Variants in CTNNA3 observed in about 807,000 individuals in gnomAD.
CTNNA3 encodes catenin alpha 3.
Under a neutral mutation model 95.7 loss-of-function variants are expected in CTNNA3, and 76 were observed. That is an observed-to-expected ratio of 0.79 (90% CI 0.66 to 0.96). The LOEUF (loss-of-function observed/expected upper bound fraction) is 0.96. CTNNA3 is among the 40% of genes least tolerant of loss of function. The probability of loss-of-function intolerance (pLI) is 0.00; values close to 1 mark genes in which losing one functional copy is unlikely to be tolerated. For missense variants in CTNNA3, 1,191 were observed against 1,089.8 expected (o/e 1.09, Z -1.31); for synonymous variants, 431 against 374.4 (o/e 1.15, Z -1.74).
chr10:67,214,807 A>G (rs74142434), intron 6 of CTNNA3, among the ~76,000 whole-genome samples: 6,362 of 152,084 alleles, frequency 0.042, 166 homozygotes, highest in South Asian at 0.088. Context: ...TCATTCACAG[A>G]TAATCAGTCA....
At position 65,920,634 on chromosome 10, in the gene CTNNA3, G is replaced by GA. The variant is rs1338241471; in HGVS notation, c.2401-18dup. The GA allele has an allele frequency of 4.8e-5, 76 of 1,595,582 alleles. No individual in the cohort carries two copies. The highest frequency in any genetic ancestry group is 8.8e-5 in the Admixed American group (5 of 57,098). ...ACTGTCCAACTGTAGGGAAAAAAGA[G>GA]AAAAAAGAGCTATTATTCCAGGAGG... On this transcript the variant is annotated splice_polypyrimidine_tract_variant and intron_variant, in intron 17 of 17. Coordinates refer to ENST00000433211, the MANE Select transcript of CTNNA3 (RefSeq NM_013266.4).
intron 9 of CTNNA3, among the ~76,000 whole-genome samples, chr10:66,666,991 T>G (rs560464920): frequency 5.8e-4 from 88 of 152,200 alleles, no homozygotes; most frequent in Non-Finnish European, 1.1e-3. Flanking sequence ...AACAGTGATA[T>G]AGCCTAAGAT....
chr10:66,360,596 CTTCTTTCTTTCTTTCTTTCTTTCTTTCT>C (rs869161944), intron 12 of CTNNA3, among the ~76,000 whole-genome samples: 2 of 94,074 alleles, frequency 2.1e-5, no homozygotes, highest in African/African-American at 6.6e-5. Flanking sequence ...GTATTCTTTC[CTTCTTTCTTTCTTTCTTTCTTTCTTTCT>C]TTCTTTCTTT....
chr10:67,197,202 A>T (rs1374625893), intron 6 of CTNNA3, among the ~76,000 whole-genome samples: 3 of 152,120 alleles, frequency 2.0e-5, no homozygotes, highest in Non-Finnish European at 4.4e-5. Flanking sequence ...CAAACATTTG[A>T]ATAGTTCCTG....
At chr10:66,530,528 T>C (rs192255938) in intron 10 of CTNNA3, among the ~76,000 whole-genome samples, 76 of 152,298 alleles carry the variant, frequency 5.0e-4, no homozygotes, top group Non-Finnish European at 9.0e-4. Flanking sequence ...ACTTCATCTA[T>C]GGCAAATTAC....
chr10:66,772,823 T>G (rs1840148338), intron 8 of CTNNA3, among the ~76,000 whole-genome samples: 1 of 152,110 alleles, frequency 6.6e-6, no homozygotes. Flanking sequence ...AGGCCATGGT[T>G]AAGAAAGGGG....
chr10:67,695,439 T>C (rs1453933315), intron 1 of CTNNA3, among the ~76,000 whole-genome samples: 1 of 151,522 alleles, frequency 6.6e-6, no homozygotes, highest in African/African-American at 2.4e-5. Context: ...CATACAGTGA[T>C]TTTCATTTGA....
intron 15 of CTNNA3, among the ~76,000 whole-genome samples, chr10:66,033,331 T>C (rs1469269459): frequency 1.3e-5 from 2 of 151,910 alleles, no homozygotes; most frequent in East Asian, 3.9e-4. Flanking sequence ...GAGACAGGGT[T>C]TCACCATGTT....
At chr10:66,989,405 T>C (rs1850917117) in intron 7 of CTNNA3, among the ~76,000 whole-genome samples, 1 of 152,212 alleles carries the variant, frequency 6.6e-6, no homozygotes. Context: ...TTCTTGATTA[T>C]ATTTGTAGGT....
At chr10:67,373,706 C>G (rs907772601) in intron 5 of CTNNA3, among the ~76,000 whole-genome samples, 5 of 152,050 alleles carry the variant, frequency 3.3e-5, no homozygotes, top group Non-Finnish European at 5.9e-5. Context: ...TGTTACTTTT[C>G]TGTAAAATGA....
intron 5 of CTNNA3, among the ~76,000 whole-genome samples, chr10:67,411,485 G>C (rs964910230): frequency 5.3e-5 from 8 of 152,124 alleles, no homozygotes; most frequent in Admixed American, 4.6e-4. Context: ...CTGTGTAGCA[G>C]CCCATTCCAA....
Position 66,603,660 on chromosome 10 carries a change from T to C in CTNNA3, c.1374+18032A>G, listed in dbSNP as rs1844011821. Among the ~76,000 whole-genome samples the C allele has an allele frequency of 2.0e-5, 3 of 152,124 alleles. No individual in the cohort carries two copies. In the South Asian group the frequency reaches 6.2e-4, roughly 32 times the overall value. ...GTAAAAAATGCAAAGCTCGACATCA[T>C]ACTACATGGTTTTCAATTGTACTAC... On this transcript the variant is annotated intron_variant, in intron 10 of 17. Transcript: ENST00000433211.
intron 7 of CTNNA3, among the ~76,000 whole-genome samples, chr10:66,850,588 A>G (rs1455417569): frequency 6.6e-6 from 1 of 152,008 alleles, no homozygotes; most frequent in East Asian, 1.9e-4. Flanking sequence ...AGTGTATCCT[A>G]TATGATTTTT....
At chr10:67,408,038 G>A (rs1845205875) in intron 5 of CTNNA3, among the ~76,000 whole-genome samples, 1 of 152,144 alleles carries the variant, frequency 6.6e-6, no homozygotes, top group Non-Finnish European at 1.5e-5. Context: ...TAACACGGAA[G>A]TGAAGGACCT....
intron 7 of CTNNA3, among the ~76,000 whole-genome samples, chr10:66,921,096 C>A (rs993071654): frequency 6.6e-6 from 1 of 152,146 alleles, no homozygotes; most frequent in African/African-American, 2.4e-5. Flanking sequence ...GCTGGGAAGT[C>A]CAAAATGAAG....
At chr10:67,362,725 T>C (rs977731983) in intron 5 of CTNNA3, among the ~76,000 whole-genome samples, 2 of 151,858 alleles carry the variant, frequency 1.3e-5, no homozygotes, top group African/African-American at 4.8e-5. Flanking sequence ...TCACTACTCA[T>C]TTTCAACACA....
rs1370351144 is a variant in CTNNA3, at chr10:65,914,758, A to G, written c.*5572T>C. On this transcript the variant is annotated 3_prime_UTR_variant, in exon 18 of 18. Coordinates refer to ENST00000433211, the MANE Select transcript of CTNNA3 (RefSeq NM_013266.4). ...GAAGCTTTCTTCTCCATGGTAATAA[A>G]AGTAATTTGGCAAAGGTTGTCCTCT... 6.6e-6 allele frequency: 1 copy of G among 152,166 alleles called. No individual in the cohort carries two copies. Among genetic ancestry groups the G allele is most frequent in the Non-Finnish European group, 1.5e-5 (1 of 68,018 alleles). 9.4% of individuals were successfully genotyped at this position (152,166 alleles called of 1,614,324 possible). A position where few individuals can be genotyped will look rare whatever the true frequency, so the allele number is the denominator to read the frequency against.
chr10:66,433,027 T>C (rs2093310106), intron 11 of CTNNA3, among the ~76,000 whole-genome samples: 2 of 152,214 alleles, frequency 1.3e-5, no homozygotes, highest in Admixed American at 1.3e-4. Context: ...ATGTGCCACA[T>C]TTTCTTGAGC....
At chr10:66,522,027 T>C (rs1250035045) in intron 10 of CTNNA3, among the ~76,000 whole-genome samples, 3 of 152,206 alleles carry the variant, frequency 2.0e-5, no homozygotes, top group Non-Finnish European at 2.9e-5. Flanking sequence ...CCAATTAAGA[T>C]GTCTATGGTG....
Sources: allele counts gnomAD v4.1 joint callset (sites outside exome capture counted in the v4.1 genomes callset), GRCh38; gene constraint gnomAD v4.1.1; transcripts MANE v1.5; gene names NCBI Gene and HGNC (gene_info 2026-07-23, HGNC 2026-07-21).